TMPRSS7: variants seen among roughly 807,000 people sequenced by gnomAD.
TMPRSS7 encodes transmembrane serine protease 7.
In TMPRSS7, 81 loss-of-function variants were observed where a neutral mutation model predicts 95.6. The observed-to-expected ratio is 0.85, with a 90% CI of 0.71 to 1.02. The LOEUF is 1.02. Ranked by LOEUF, TMPRSS7 falls within the 50% of genes least tolerant of loss-of-function variation. The pLI, the probability that TMPRSS7 is intolerant of heterozygous loss-of-function variation, is 0.00. For synonymous variants in TMPRSS7, 364 were observed against 337.8 expected (o/e 1.08, Z -0.85); for missense variants, 945 against 955.2 (o/e 0.99, Z 0.14).
Position 112,055,929 on chromosome 3 carries a change from C to T in TMPRSS7, c.1204-1096C>T, listed in dbSNP as rs74284566. Among the ~76,000 whole-genome samples the T allele has an allele frequency of 1.9e-3, 296 of 152,256 alleles. 4 individuals are homozygous for T. In the East Asian group the frequency reaches 0.037, roughly 19 times the overall value. On this transcript the variant is annotated intron_variant, in intron 9 of 17. Transcript: ENST00000452346. ...CAATGCCGGCTAGGCACAGTGCTCA[C>T]GCCTATAATCCCAACACTTTTGGAG...
rs995211767 is a variant in TMPRSS7 at position 112,061,934 on chromosome 3, G to A, written c.1447+11G>A. ...ACAACATCAGTCAACGTAAGCCTAGGATCACCTCCTTAGGAAAACTTAATA... is the reference window on the plus strand; with the variant it reads ...ACAACATCAGTCAACGTAAGCCTAGAATCACCTCCTTAGGAAAACTTAATA... On this transcript the variant is annotated intron_variant, in intron 11 of 17. Coordinates refer to ENST00000452346, the Ensembl canonical transcript of TMPRSS7. The A allele has an allele frequency of 2.1e-5, 34 of 1,591,260 alleles. No homozygotes were observed. Among genetic ancestry groups the A allele is most frequent in the African/African-American group, 2.7e-5 (2 of 74,298 alleles).
intron 10 of TMPRSS7, among the ~76,000 whole-genome samples, chr3:112,060,376 T>C (rs1416620583): frequency 1.3e-5 from 2 of 152,176 alleles, no homozygotes; most frequent in Non-Finnish European, 2.9e-5. Context: ...TTCCTCGTCC[T>C]AATAAGCCTG....
At chr3:112,055,752 C>T (rs1210784828) in intron 9 of TMPRSS7, among the ~76,000 whole-genome samples, 1 of 152,152 alleles carries the variant, frequency 6.6e-6, no homozygotes, top group Non-Finnish European at 1.5e-5. Context: ...GGCAACGATA[C>T]CCCTGATTTA....
chr3:112,064,390 T>G (rs951821393), intron 12 of TMPRSS7, among the ~76,000 whole-genome samples: 1 of 151,480 alleles, frequency 6.6e-6, no homozygotes, highest in African/African-American at 2.4e-5. Context: ...GCTTTGTCAC[T>G]CAGGTTAGAG....
rs895353048 is a variant in TMPRSS7, at chr3:112,080,957, GA to G, written c.2409del (p.Lys803AsnfsTer4). On this transcript the variant is annotated frameshift_variant, in exon 18 of 18. Transcript: ENST00000452346. LOFTEE classifies it high-confidence loss of function. ...TTATCTTGTCGAAGAAAAAGTGATG[GA>G]AAATGGATTTTGACTGGCATTGTTA... The G allele has an allele frequency of 6.2e-7, 1 of 1,613,884 alleles. No homozygotes were observed. The highest frequency in any genetic ancestry group is 8.5e-7 in the Non-Finnish European group (1 of 1,179,950).
At chr3:112,041,227 G>A (rs2073203843) in intron 2 of TMPRSS7, among the ~76,000 whole-genome samples, 1 of 151,752 alleles carries the variant, frequency 6.6e-6, no homozygotes, top group Non-Finnish European at 1.5e-5. Context: ...AAGGACAGGA[G>A]TTCAATCCTT....
chr3:112,049,964 T>C (rs1388433675), exon 8 of TMPRSS7: 6 of 1,556,446 alleles, frequency 3.9e-6, no homozygotes, highest in Non-Finnish European at 5.3e-6. Context: ...TTGAGGTCAT[T>C]CCAGAACAAA....
intron 17 of TMPRSS7, among the ~76,000 whole-genome samples, chr3:112,079,970 CG>C (rs1553766129): frequency 2.0e-5 from 3 of 152,096 alleles, no homozygotes; most frequent in Non-Finnish European, 4.4e-5. Flanking sequence ...CATAGCTAGT[CG>C]GTTACACAGC....
In TMPRSS7 at chr3:112,042,850, T is replaced by C. The variant is rs1214125319; in HGVS notation, c.429+800T>C. The C allele has an allele frequency of 5.5e-5, 19 of 342,768 alleles. No homozygotes were observed. In the East Asian group the frequency reaches 1.3e-3, roughly 24 times the overall value. 21.2% of individuals were successfully genotyped at this position (342,768 alleles called of 1,614,324 possible). A position where few individuals can be genotyped will look rare whatever the true frequency, so the allele number is the denominator to read the frequency against. The stretch of plus-strand genomic sequence containing the variant: ...CTAAAAGCATAATTACTTGGACAAA[T>C]AGAAAAGTATCTATTCATGGCTCTT... On this transcript the variant is annotated intron_variant, in intron 3 of 17. Transcript: ENST00000452346.
At position 112,038,126 on chromosome 3, in the gene TMPRSS7, C is replaced by T. The variant is rs564116753; in HGVS notation, c.103C>T (p.Arg35Ter). Residue 35 changes from arginine (R) to a stop codon, truncating the protein, a stop_gained, in exon 2 of 18, where the codon CGA (arginine) becomes TGA (stop). Coordinates refer to ENST00000452346, the Ensembl canonical transcript of TMPRSS7. LOFTEE classifies it high-confidence loss of function. Reference sequence around the variant, plus strand: ...TGCCCAAAAGAAGCTGCCAGTGAGACGACCACCGTTGCCAGGGAGACGACT... The same window carrying T: ...TGCCCAAAAGAAGCTGCCAGTGAGATGACCACCGTTGCCAGGGAGACGACT... The T allele has an allele frequency of 2.5e-4, 179 of 702,696 alleles. No individual in the cohort carries two copies. The highest frequency in any genetic ancestry group is 3.1e-4 in the Non-Finnish European group (119 of 384,856). 43.5% of individuals were successfully genotyped at this position (702,696 alleles called of 1,614,324 possible).
At chr3:112,080,871 A>G in intron 17 of TMPRSS7, 43 bp from the exon 18 acceptor site, 1 of 1,566,342 alleles carries the variant, frequency 6.4e-7, no homozygotes, top group Non-Finnish European at 8.7e-7. Flanking sequence ...ACTGATGATC[A>G]TGGGACCAAT....
intron 16 of TMPRSS7, 40 bp downstream of exon 16, chr3:112,077,184 AGGATGATAAG>A (rs763888879): frequency 9.4e-6 from 15 of 1,597,434 alleles, no homozygotes; most frequent in Admixed American, 5.0e-5. Flanking sequence ...TCCCCTGCAG[AGGATGATAAG>A]GTGTTTATGT....
rs116134380 is a variant in TMPRSS7 at position 112,036,851 on chromosome 3, T to C, written c.49-1221T>C. On this transcript the variant is annotated intron_variant, in intron 1 of 17. Coordinates refer to ENST00000452346, the Ensembl canonical transcript of TMPRSS7. Reference sequence around the variant, plus strand: ...GACATTTATTGGTTCCCTAAATTAATACTTTCATAATTTCTTACGCCTGTC... The same window carrying C: ...GACATTTATTGGTTCCCTAAATTAACACTTTCATAATTTCTTACGCCTGTC... Among the ~76,000 whole-genome samples, 1,036 of 152,338 alleles carry C rather than the reference T, an allele frequency of 6.8e-3. 9 individuals are homozygous for C. The highest frequency in any genetic ancestry group is 7.6e-3 in the Non-Finnish European group (514 of 68,028).
intron 2 of TMPRSS7, among the ~76,000 whole-genome samples, chr3:112,041,576 T>G (rs80179427): frequency 0.017 from 2,588 of 152,232 alleles, 79 homozygotes; most frequent in African/African-American, 0.058. Context: ...AAATTACCAT[T>G]TATTCCTTCA....
Position 112,039,097 on chromosome 3 carries a change from G to A in TMPRSS7, c.298+776G>A, listed in dbSNP as rs534804636. Among the ~76,000 whole-genome samples the A allele has an allele frequency of 3.9e-5, 6 of 152,260 alleles. No homozygotes were observed. The South Asian group carries it at 1.0e-3, about 26-fold the overall frequency. On this transcript the variant is annotated intron_variant, in intron 2 of 17. Transcript: ENST00000452346. ...ATCTTTCTCTCCTCTGTTATTACGT[G>A]TTTGTTGATCTGACTGATCCTTTTG...
exon 18 of TMPRSS7, chr3:112,081,113 T>C: frequency 6.3e-7 from 1 of 1,577,154 alleles, no homozygotes; most frequent in East Asian, 2.3e-5. Flanking sequence ...TACTGTGATT[T>C]ATGTTAAAAA....
exon 14 of TMPRSS7, chr3:112,074,398 A>G: frequency 3.7e-6 from 6 of 1,612,432 alleles, no homozygotes; most frequent in Non-Finnish European, 5.1e-6. Flanking sequence ...GATGGAAGTG[A>G]TGAAGAAGGC....
intron 11 of TMPRSS7, 45 bp downstream of exon 11, chr3:112,061,968 G>C: frequency 6.7e-7 from 1 of 1,486,458 alleles, no homozygotes; most frequent in Non-Finnish European, 9.1e-7. Context: ...TACTTACATA[G>C]AGGATAACAT....
At chr3:112,068,282 G>A (rs780229746) in intron 13 of TMPRSS7, among the ~76,000 whole-genome samples, 1 of 152,070 alleles carries the variant, frequency 6.6e-6, no homozygotes, top group Non-Finnish European at 1.5e-5. Flanking sequence ...TTGTTCTTTT[G>A]GCTTAGGATT....
Sources: allele counts gnomAD v4.1 joint callset (sites outside exome capture counted in the v4.1 genomes callset), GRCh38; gene constraint gnomAD v4.1.1; transcripts MANE v1.5; gene names NCBI Gene and HGNC (gene_info 2026-07-23, HGNC 2026-07-21).